Variants in SLC38A11 observed in about 807,000 individuals in gnomAD.
SLC38A11 encodes the protein putative sodium-coupled neutral amino acid transporter 11.
Under a neutral mutation model 49.4 loss-of-function variants are expected in SLC38A11, and 51 were observed. The ratio of observed to expected loss-of-function variants is 1.03; its 90% CI spans 0.83 to 1.30. The LOEUF (loss-of-function observed/expected upper bound fraction) is 1.30. Among genes scored for constraint, SLC38A11 ranks in the 50% most tolerant of loss-of-function variants. SLC38A11 has a pLI of 0.00. For missense variants in SLC38A11, 574 were observed against 556.2 expected (o/e 1.03, Z -0.32); for synonymous variants, 203 against 192.9 (o/e 1.05, Z -0.43).
intron 3 of SLC38A11, among the ~76,000 whole-genome samples, chr2:164,949,170 C>T (rs1052763447): frequency 7.0e-6 from 1 of 142,136 alleles, no homozygotes; most frequent in South Asian, 2.6e-4. Context: ...AGCAGGATTG[C>T]TATATGTTTA....
At chr2:164,942,078 T>C (rs1260388178) in intron 5 of SLC38A11, among the ~76,000 whole-genome samples, 1 of 152,140 alleles carries the variant, frequency 6.6e-6, no homozygotes, top group Admixed American at 6.5e-5. Context: ...CTAATATTTT[T>C]CAAATAAATC....
In SLC38A11 at chr2:164,894,503, G is replaced by A. The variant is rs944765567; in HGVS notation, c.*3934C>T. ...TCATGTTCCCTATGTAATTTTCCAAGTAAGCCATTCTGCTGAGAGTTTAGT... is the reference window on the plus strand; with the variant it reads ...TCATGTTCCCTATGTAATTTTCCAAATAAGCCATTCTGCTGAGAGTTTAGT... On this transcript the variant is annotated 3_prime_UTR_variant, in exon 12 of 12. Coordinates refer to ENST00000685975, the MANE Select transcript of SLC38A11 (RefSeq NM_001351537.2). Among the ~76,000 whole-genome samples, 2 of 152,052 alleles carry A rather than the reference G, an allele frequency of 1.3e-5. No homozygotes were observed. The highest frequency in any genetic ancestry group is 4.8e-5 in the African/African-American group (2 of 41,376).
rs1460108606 is a variant in SLC38A11 at position 164,895,217 on chromosome 2, G to A, written c.*3220C>T. Among the ~76,000 whole-genome samples, 1 of 152,108 alleles carries A rather than the reference G, an allele frequency of 6.6e-6. No individual in the cohort carries two copies. Among genetic ancestry groups the A allele is most frequent in the Admixed American group, 6.6e-5 (1 of 15,246 alleles). On this transcript the variant is annotated 3_prime_UTR_variant, in exon 12 of 12. Transcript: ENST00000685975. ...TGTTCTCTAGGTCACAGCATCTCTG[G>A]TCCACTCTACATATTTGCTCTGCTA...
At chr2:164,931,578 T>C (rs551509908) in intron 7 of SLC38A11, among the ~76,000 whole-genome samples, 23 of 152,142 alleles carry the variant, frequency 1.5e-4, no homozygotes, top group African/African-American at 5.5e-4. Flanking sequence ...AACAAACACA[T>C]AGATCAATGG....
At position 164,952,716 on chromosome 2, in the gene SLC38A11, A is replaced by G. The variant is rs748715057; in HGVS notation, c.220T>C (p.Tyr74His). ...LGILLLFWVSYVTDFSLVLLI... is the reference protein window; with the variant it reads ...LGILLLFWVSHVTDFSLVLLI... Reference sequence around the variant, plus strand: ...TTATATAGTATTTTACCTGTAACATATGAAACCCAGAATAAAAGCAATATT... The same window carrying G: ...TTATATAGTATTTTACCTGTAACATGTGAAACCCAGAATAAAAGCAATATT... The change falls in exon 3 of 12, where the codon TAT (tyrosine) becomes CAT (histidine). Residue 74 changes from tyrosine to histidine, a missense_variant. Tyr to His is a moderately conservative substitution (Grantham distance 83). Transcript: ENST00000685975. 6.2e-7 allele frequency: 1 copy of G among 1,608,764 alleles called. No homozygotes were observed. The highest frequency in any genetic ancestry group is 1.3e-5 in the African/African-American group (1 of 74,618).
At chr2:164,937,020 C>A (rs1687418921) in intron 7 of SLC38A11, among the ~76,000 whole-genome samples, 1 of 152,090 alleles carries the variant, frequency 6.6e-6, no homozygotes, top group African/African-American at 2.4e-5. Context: ...ATCTCTTATT[C>A]TTTTTATTTC....
At chr2:164,952,577 T>C (rs1688594929) in intron 3 of SLC38A11, 130 bp downstream of exon 3, 22 of 713,682 alleles carry the variant, frequency 3.1e-5, no homozygotes, top group Non-Finnish European at 7.5e-6. Flanking sequence ...GCTTAAATTC[T>C]TTAGGATTCT....
chr2:164,907,813 A>C (rs1029168185), intron 11 of SLC38A11: 2 of 152,202 alleles, frequency 1.3e-5, no homozygotes, highest in African/African-American at 4.8e-5. Context: ...GATAGGACAA[A>C]GAATAATGGA....
rs1357330596 is a variant in SLC38A11, at chr2:164,895,343, A to G, written c.*3094T>C. On this transcript the variant is annotated 3_prime_UTR_variant, in exon 12 of 12. Transcript: ENST00000685975. The stretch of plus-strand genomic sequence containing the variant: ...TTATTATCCTTGCCACAGTTAGTAA[A>G]GCATTCATGGGTACCCTCACTGATG... Among the ~76,000 whole-genome samples, 1 of 152,196 alleles carries G rather than the reference A, an allele frequency of 6.6e-6. No individual in the cohort carries two copies. The highest frequency in any genetic ancestry group is 1.5e-5 in the Non-Finnish European group (1 of 68,036).
chr2:164,913,783 A>G (rs532953665), intron 9 of SLC38A11, among the ~76,000 whole-genome samples: 1 of 152,232 alleles, frequency 6.6e-6, no homozygotes, highest in South Asian at 2.1e-4. Flanking sequence ...ATGCTTTGGA[A>G]CACAATTCTT....
chr2:164,908,918 A>G (rs1574748727), intron 10 of SLC38A11, 147 bp from the exon 11 acceptor site: 1 of 882,672 alleles, frequency 1.1e-6, no homozygotes, highest in South Asian at 2.1e-5. Flanking sequence ...AATGTTCTAT[A>G]TTTTCCAAAT....
chr2:164,931,892 G>A (rs143431165), intron 7 of SLC38A11, among the ~76,000 whole-genome samples: 1 of 152,190 alleles, frequency 6.6e-6, no homozygotes, highest in African/African-American at 2.4e-5. Context: ...AATGCCAAAG[G>A]CAATTGCAAC....
intron 7 of SLC38A11, among the ~76,000 whole-genome samples, chr2:164,917,003 T>C (rs565361192): frequency 2.6e-5 from 4 of 152,230 alleles, no homozygotes; most frequent in African/African-American, 9.6e-5. Flanking sequence ...TGAGATAAAA[T>C]ATGTAAAACT....
intron 4 of SLC38A11, among the ~76,000 whole-genome samples, chr2:164,945,211 T>C (rs1688018830): frequency 6.6e-6 from 1 of 151,946 alleles, no homozygotes; most frequent in Non-Finnish European, 1.5e-5. Flanking sequence ...GTATAAACTT[T>C]AAATAGCACA....
At chr2:164,941,782 A>T (rs979551456) in intron 5 of SLC38A11, among the ~76,000 whole-genome samples, 1 of 152,076 alleles carries the variant, frequency 6.6e-6, no homozygotes, top group Non-Finnish European at 1.5e-5. Flanking sequence ...AGAATACTGA[A>T]CTTCCATTAA....
chr2:164,943,114 C>G (rs1261195781), intron 5 of SLC38A11, among the ~76,000 whole-genome samples: 2 of 152,168 alleles, frequency 1.3e-5, no homozygotes, highest in Non-Finnish European at 2.9e-5. Flanking sequence ...CATCCATCTC[C>G]TCAACTGTAA....
At position 164,955,287 on chromosome 2, in the gene SLC38A11, C is replaced by T. The variant is rs753055065; in HGVS notation, c.-40G>A. On this transcript the variant is annotated 5_prime_UTR_variant, in exon 1 of 12. Transcript: ENST00000685975. Reference sequence around the variant, plus strand: ...CCTCAGCAGGTGGAAGATGCTGGGGCTGGGTACGGATTCGCACCCGGCCAG... The same window carrying T: ...CCTCAGCAGGTGGAAGATGCTGGGGTTGGGTACGGATTCGCACCCGGCCAG... The T allele has an allele frequency of 6.5e-6, 10 of 1,546,032 alleles. 1 individual carries two copies. The South Asian group carries it at 7.1e-5, about 11-fold the overall frequency.
intron 7 of SLC38A11, among the ~76,000 whole-genome samples, chr2:164,930,332 A>T (rs533950750): frequency 6.6e-6 from 1 of 152,258 alleles, no homozygotes; most frequent in South Asian, 2.1e-4. Context: ...TACAAAGAAG[A>T]GCTGGTACAT....
At chr2:164,913,941 A>T (rs1201668052) in intron 9 of SLC38A11, among the ~76,000 whole-genome samples, 5 of 151,956 alleles carry the variant, frequency 3.3e-5, no homozygotes, top group African/African-American at 4.8e-5. Flanking sequence ...AGTCATAGTG[A>T]TCTGTAACCT....
Sources: allele counts gnomAD v4.1 joint callset (sites outside exome capture counted in the v4.1 genomes callset), GRCh38; gene constraint gnomAD v4.1.1; transcripts MANE v1.5; gene names NCBI Gene and HGNC (gene_info 2026-07-23, HGNC 2026-07-21).